The following PSMF1 variants were observed in gnomAD, a reference collection of about 807,000 sequenced individuals.
PSMF1 encodes proteasome inhibitor PI31 subunit.
Under a neutral mutation model 29.3 loss-of-function variants are expected in PSMF1, and 30 were observed. The observed-to-expected ratio is 1.02, with a 90% confidence interval of 0.77 to 1.39. The LOEUF is 1.39. PSMF1 is among the 40% of genes most tolerant of loss of function. PSMF1 has a pLI of 0.00. For missense variants in PSMF1, 344 were observed against 357.5 expected, an observed-to-expected ratio of 0.96 and a Z score of 0.31; for synonymous variants, 134 against 139.7, an observed-to-expected ratio of 0.96 and a Z score of 0.29.
At chr20:1,133,569 A>ATATATATATATATTTTT in intron 3 of PSMF1, among the ~76,000 whole-genome samples, 834 of 53,080 alleles carry the variant, frequency 0.016, 49 homozygotes, top group Non-Finnish European at 0.027. Context: ...ATATATATAT[A>ATATATATATATATTTTT]TTTTTTTTTT....
rs2086796628 is a variant in PSMF1 at position 1,172,180 on chromosome 20, A to C, written c.*7100A>C. Among the ~76,000 whole-genome samples the C allele has an allele frequency of 6.6e-6, 1 of 152,248 alleles. No homozygotes were observed. Among genetic ancestry groups the C allele is most frequent in the African/African-American group, 2.4e-5 (1 of 41,472 alleles). ...GCATCAAAGTGACAGCTGATAGCCC[A>C]GGTTTGCCCACAAATGTGCTCTGAC... is the stretch of plus-strand genomic sequence containing the variant. On this transcript the variant is annotated 3_prime_UTR_variant, in exon 7 of 7. Transcript: ENST00000335877.
chr20:1,134,287 T>C (rs1600149917), intron 3 of PSMF1, among the ~76,000 whole-genome samples: 2 of 152,190 alleles, frequency 1.3e-5, no homozygotes, highest in Admixed American at 1.3e-4. Context: ...TGTTTTTATT[T>C]TCATTTTAAT....
Position 1,118,700 on chromosome 20 carries a change from C to T in PSMF1, c.-74C>T. 2 of 1,501,454 alleles carry T rather than the reference C, an allele frequency of 1.3e-6. No homozygotes were observed. Among genetic ancestry groups the T allele is most frequent in the Non-Finnish European group, 9.0e-7 (1 of 1,106,420 alleles). 93.0% of individuals were successfully genotyped at this position (1,501,454 alleles called of 1,614,324 possible). A position where few individuals can be genotyped will look rare whatever the true frequency, so the allele number is the denominator to read the frequency against. On this transcript the variant is annotated 5_prime_UTR_variant, in exon 1 of 7. Transcript: ENST00000335877. Reference sequence around the variant, plus strand: ...AAGAGGGAAGCAGAGTTATAGCTACCCCGGCCGCGGAGCCGGCTCACTGCA... The same window carrying T: ...AAGAGGGAAGCAGAGTTATAGCTACTCCGGCCGCGGAGCCGGCTCACTGCA...
At chr20:1,124,620 A>G (rs1219115714) in intron 1 of PSMF1, among the ~76,000 whole-genome samples, 2 of 152,246 alleles carry the variant, frequency 1.3e-5, no homozygotes, top group African/African-American at 4.8e-5. Flanking sequence ...TAGCAAAACA[A>G]ATAAGCTGGA....
upstream of PSMF1, among the ~76,000 whole-genome samples, chr20:1,115,442 C>T (rs2086002022): frequency 6.6e-6 from 1 of 152,210 alleles, no homozygotes; most frequent in Non-Finnish European, 1.5e-5. Flanking sequence ...CAAAACAGAC[C>T]AAAGGCCAGT....
intron 3 of PSMF1, among the ~76,000 whole-genome samples, chr20:1,132,980 T>G (rs2086250671): frequency 2.7e-5 from 4 of 150,430 alleles, no homozygotes; most frequent in Admixed American, 2.0e-4. Flanking sequence ...TTTTTTTTTT[T>G]TTTTGGTAGA....
chr20:1,119,881 C>G (rs1291831159), intron 1 of PSMF1, among the ~76,000 whole-genome samples: 1 of 152,182 alleles, frequency 6.6e-6, no homozygotes, highest in African/African-American at 2.4e-5. Context: ...AACAGACCAC[C>G]CCACCTATTG....
At chr20:1,155,919 A>G (rs1453259858) in intron 4 of PSMF1, among the ~76,000 whole-genome samples, 1 of 152,236 alleles carries the variant, frequency 6.6e-6, no homozygotes, top group Non-Finnish European at 1.5e-5. Flanking sequence ...GAAAATTTCA[A>G]CTCTGAAAAA....
At chr20:1,132,574 C>T (rs2086244286) in intron 3 of PSMF1, among the ~76,000 whole-genome samples, 2 of 151,880 alleles carry the variant, frequency 1.3e-5, no homozygotes, top group African/African-American at 2.4e-5. Flanking sequence ...CGCACCTGGC[C>T]TCTGTGCCTT....
chr20:1,133,569 A>ATATATATATATATTTTTT lies in PSMF1; in HGVS notation c.366-1551_366-1550insATATATATATATTTTTTT. ...TCTATATATGTGTATATATATATAT[A>ATATATATATATATTTTTT]TTTTTTTTTTTTTTTTGGTGTAGTC... On this transcript the variant is annotated intron_variant, in intron 3 of 6. Coordinates refer to ENST00000335877, the MANE Select transcript of PSMF1 (RefSeq NM_006814.5). 3.2e-3 allele frequency among the ~76,000 whole-genome samples: 168 copies of ATATATATATATATTTTTT among 53,244 alleles called. 2 individuals carry two copies. The highest frequency in any genetic ancestry group is 5.8e-3 in the Non-Finnish European group (126 of 21,866). The allele number at this position is 53,244 out of a possible 152,430, so 34.9% of individuals were successfully genotyped here.
intron 4 of PSMF1, among the ~76,000 whole-genome samples, chr20:1,160,333 G>A (rs991985246): frequency 3.3e-5 from 5 of 151,958 alleles, no homozygotes; most frequent in African/African-American, 1.2e-4. Context: ...GGTTTTTATT[G>A]CTTCCATGGC....
At chr20:1,122,053 G>A (rs558534220) in intron 1 of PSMF1, among the ~76,000 whole-genome samples, 9 of 152,240 alleles carry the variant, frequency 5.9e-5, no homozygotes, top group South Asian at 2.1e-4. Flanking sequence ...GAGGCATTGG[G>A]GCAAATTCAT....
intron 2 of PSMF1, 26 bp from the exon 3 acceptor site, chr20:1,127,400 C>T (rs1230168702): frequency 3.2e-6 from 5 of 1,538,876 alleles, no homozygotes; most frequent in Non-Finnish European, 4.5e-6. Context: ...ATCCCAGTCT[C>T]TCACTTTCTA....
At chr20:1,136,622 T>C (rs796805257) in intron 4 of PSMF1, among the ~76,000 whole-genome samples, 4 of 152,296 alleles carry the variant, frequency 2.6e-5, no homozygotes, top group African/African-American at 9.6e-5. Context: ...AAGAGAGTAA[T>C]TGATAAGATG....
In PSMF1 at chr20:1,163,660, G is replaced by A. The variant is rs1041206167; in HGVS notation, c.605+477G>A. Among the ~76,000 whole-genome samples, 16 of 152,174 alleles carry A rather than the reference G, an allele frequency of 1.1e-4. No individual in the cohort carries two copies. Among genetic ancestry groups the A allele is most frequent in the African/African-American group, 2.4e-4 (10 of 41,452 alleles). ...TTAACCTCTGCTACAAAGTGACCCC[G>A]ACTTCAGCATCTCATTTGTAGACAG... On this transcript the variant is annotated intron_variant, in intron 5 of 6. Transcript: ENST00000335877. This position sits in a 1 kb window ranked among gnomAD's most constrained non-coding sequence, Gnocchi z 6.1.
chr20:1,148,300 C>G (rs2086481889), intron 4 of PSMF1, among the ~76,000 whole-genome samples: 1 of 152,192 alleles, frequency 6.6e-6, no homozygotes, highest in African/African-American at 2.4e-5. Flanking sequence ...TTACTGAAAA[C>G]AACCATCTGT....
chr20:1,162,079 C>A (rs2086674501), intron 4 of PSMF1, among the ~76,000 whole-genome samples: 2 of 152,114 alleles, frequency 1.3e-5, no homozygotes, highest in African/African-American at 4.8e-5. Context: ...TGTGTCAGGG[C>A]TGAGTATTCT....
At chr20:1,152,895 A>G (rs2086549195) in intron 4 of PSMF1, among the ~76,000 whole-genome samples, 1 of 152,186 alleles carries the variant, frequency 6.6e-6, no homozygotes, top group Non-Finnish European at 1.5e-5. Flanking sequence ...GCTTCAGTAG[A>G]CATACTTTTA....
chr20:1,163,162 G>C lies in PSMF1; in HGVS notation c.584G>C (p.Gly195Ala). The C allele has an allele frequency of 6.2e-7, 1 of 1,614,180 alleles. No individual in the cohort carries two copies. The highest frequency in any genetic ancestry group is 8.5e-7 in the Non-Finnish European group (1 of 1,180,036). Residue 195 changes from glycine to alanine, a missense_variant, in exon 5 of 7, where the codon GGA becomes GCA. By Grantham distance (60) the Gly-to-Ala change is moderately conservative (BLOSUM62 0). Coordinates refer to ENST00000335877, the MANE Select transcript of PSMF1 (RefSeq NM_006814.5). The surrounding 1 kb of genome is among the most constrained non-coding windows in gnomAD (Gnocchi z 6.1). ...CCCCTGGGCCCGTTTGTTGTCGGGG[G>C]AGAAGACTTAGACCCTTTTGGGTGA... ...CDPLGPFVVG[G>A]EDLDPFGPRR...
Sources: allele counts gnomAD v4.1 joint callset (sites outside exome capture counted in the v4.1 genomes callset), GRCh38; gene constraint gnomAD v4.1.1; non-coding constraint Gnocchi (gnomAD v3.1); transcripts MANE v1.5; gene names NCBI Gene and HGNC (gene_info 2026-07-23, HGNC 2026-07-21).